Variants in DIAPH3 observed in about 807,000 individuals in gnomAD.
DIAPH3 encodes diaphanous related formin 3.
DIAPH3 carries 117 observed loss-of-function variants against 144.3 expected under a neutral mutation model. The ratio of observed to expected loss-of-function variants is 0.81; its 90% CI spans 0.70 to 0.95. The LOEUF (loss-of-function observed/expected upper bound fraction) is 0.95, where lower values mean the gene tolerates loss of function less well. DIAPH3 is among the 40% of genes least tolerant of loss of function. The pLI, the probability that DIAPH3 is intolerant of heterozygous loss-of-function variation, is 0.00. For synonymous variants in DIAPH3, 519 were observed against 488.9 expected (o/e 1.06, Z -0.81); for missense variants, 1,421 against 1,412.7 (o/e 1.01, Z -0.09).
At chr13:59,720,909 T>C (rs970068771) in intron 27 of DIAPH3, among the ~76,000 whole-genome samples, 3 of 152,178 alleles carry the variant, frequency 2.0e-5, no homozygotes, top group African/African-American at 4.8e-5. Context: ...AAGTGAAAGT[T>C]TAAAAGTATA....
At chr13:59,875,801 G>T (rs1038079025) in intron 21 of DIAPH3, among the ~76,000 whole-genome samples, 1 of 152,064 alleles carries the variant, frequency 6.6e-6, no homozygotes, top group Non-Finnish European at 1.5e-5. Context: ...TATGTCACAT[G>T]AAATCTTTGG....
At chr13:59,928,254 CTT>C (rs548275267) in intron 17 of DIAPH3, among the ~76,000 whole-genome samples, 4 of 151,940 alleles carry the variant, frequency 2.6e-5, no homozygotes, top group Non-Finnish European at 4.4e-5. Flanking sequence ...ATATCTATCT[CTT>C]TGTTGAATTT....
At chr13:60,004,671 GAAAT>G (rs1469913189) in intron 9 of DIAPH3, among the ~76,000 whole-genome samples, 2 of 152,002 alleles carry the variant, frequency 1.3e-5, no homozygotes, top group African/African-American at 4.8e-5. Flanking sequence ...AAATGAGAAA[GAAAT>G]AAATTTGAAT....
intron 4 of DIAPH3, among the ~76,000 whole-genome samples, chr13:60,086,564 G>T (rs1210647960): frequency 6.7e-6 from 1 of 150,348 alleles, no homozygotes; most frequent in Non-Finnish European, 1.5e-5. Context: ...TGTGTTATAG[G>T]GGCATTTTTA....
At position 60,117,357 on chromosome 13, in the gene DIAPH3, A is replaced by G. The variant is rs371158551; in HGVS notation, c.214-5171T>C. On this transcript the variant is annotated intron_variant, in intron 2 of 27. Coordinates refer to ENST00000400324, the MANE Select transcript of DIAPH3 (RefSeq NM_001042517.2). The stretch of plus-strand genomic sequence containing the variant: ...ATACAAAAGGATCAATCAGTATTTC[A>G]TATTTTCAATATAATGCTTTTATTT... Among the ~76,000 whole-genome samples, 9 of 152,222 alleles carry G rather than the reference A, an allele frequency of 5.9e-5. No homozygotes were observed. In the East Asian group the frequency reaches 1.7e-3, roughly 29 times the overall value.
rs143214663 is a variant in DIAPH3, at chr13:60,051,273, C to T, written c.496-8453G>A. On this transcript the variant is annotated intron_variant, in intron 4 of 27. Transcript: ENST00000400324. ...AATGTTTGCATGCTGATGAGAATGACCAAGAAAAGGAAACAAAACTGATGA... is the reference window on the plus strand; with the variant it reads ...AATGTTTGCATGCTGATGAGAATGATCAAGAAAAGGAAACAAAACTGATGA... Among the ~76,000 whole-genome samples, 595 of 151,776 alleles carry T rather than the reference C, an allele frequency of 3.9e-3. 5 individuals carry two copies. Among genetic ancestry groups the T allele is most frequent in the African/African-American group, 0.014 (579 of 41,378 alleles).
At chr13:60,026,773 T>C (rs1002482251) in intron 5 of DIAPH3, among the ~76,000 whole-genome samples, 2 of 152,208 alleles carry the variant, frequency 1.3e-5, no homozygotes, top group African/African-American at 2.4e-5. Context: ...TTTAAGTAGA[T>C]AATATTATAC....
In DIAPH3 at chr13:59,711,093, T is replaced by C. The variant is rs2034710574; in HGVS notation, c.3320-44247A>G. Among the ~76,000 whole-genome samples, 2 of 152,246 alleles carry C rather than the reference T, an allele frequency of 1.3e-5. 1 individual carries two copies. Among genetic ancestry groups the C allele is most frequent in the East Asian group, 3.9e-4 (2 of 5,176 alleles). ...CCACCCTTAAATTGACTTTATGAAA[T>C]AGTTAGATAATTGTTGTGTACTTTT... On this transcript the variant is annotated intron_variant, in intron 27 of 27. Coordinates refer to ENST00000400324, the MANE Select transcript of DIAPH3 (RefSeq NM_001042517.2).
At chr13:60,162,813 A>T (rs868385124) in intron 1 of DIAPH3, among the ~76,000 whole-genome samples, 260 of 124,884 alleles carry the variant, frequency 2.1e-3, no homozygotes, top group East Asian at 5.7e-3. Flanking sequence ...TCTCTCTCAC[A>T]CACACACACA....
intron 2 of DIAPH3, among the ~76,000 whole-genome samples, chr13:60,130,147 C>G (rs1398896513): frequency 2.0e-5 from 3 of 152,204 alleles, no homozygotes; most frequent in Non-Finnish European, 4.4e-5. Context: ...CAAGAATCTT[C>G]TGATTCCAAA....
intron 24 of DIAPH3, among the ~76,000 whole-genome samples, chr13:59,828,894 C>A (rs1386588480): frequency 6.6e-6 from 1 of 151,720 alleles, no homozygotes. Flanking sequence ...AATTAATTCC[C>A]AGTTGAGAAT....
At chr13:59,935,209 C>T (rs2048207090) in intron 17 of DIAPH3, among the ~76,000 whole-genome samples, 1 of 152,126 alleles carries the variant, frequency 6.6e-6, no homozygotes, top group Admixed American at 6.6e-5. Context: ...CTGGGCAGAA[C>T]CAACTTTAGG....
At chr13:60,047,784 CA>C (rs1242982712) in intron 4 of DIAPH3, among the ~76,000 whole-genome samples, 1 of 152,120 alleles carries the variant, frequency 6.6e-6, no homozygotes, top group Non-Finnish European at 1.5e-5. Flanking sequence ...TCATTAAATT[CA>C]AAAGTCTCTT....
At chr13:60,001,395 AT>A (rs1210481395) in intron 9 of DIAPH3, among the ~76,000 whole-genome samples, 1 of 152,206 alleles carries the variant, frequency 6.6e-6, no homozygotes, top group Non-Finnish European at 1.5e-5. Context: ...TAGCTCAGTC[AT>A]TCTGTGGAGT....
chr13:59,793,503 C>A (rs1287535236), intron 25 of DIAPH3, among the ~76,000 whole-genome samples: 1 of 152,144 alleles, frequency 6.6e-6, no homozygotes, highest in African/African-American at 2.4e-5. Context: ...TTACATGATT[C>A]TTTAGCAGTA....
chr13:60,111,895 G>A lies in DIAPH3; in HGVS notation c.390+115C>T. ...TTGTGGCTGAAGTGCTATCTTAAGT[G>A]ACATCAGAAATTAGCCTATGGAGTA... On this transcript the variant is annotated intron_variant, in intron 3 of 27. Transcript: ENST00000400324. 1.5e-5 allele frequency: 15 copies of A among 986,618 alleles called. No individual in the cohort carries two copies. In the South Asian group the frequency reaches 2.0e-4, roughly 13 times the overall value. 61.1% of individuals were successfully genotyped at this position (986,618 alleles called of 1,614,324 possible).
chr13:59,926,460 C>T (rs1304841507), intron 17 of DIAPH3, among the ~76,000 whole-genome samples: 1 of 152,108 alleles, frequency 6.6e-6, no homozygotes, highest in East Asian at 1.9e-4. Flanking sequence ...ACAAACTTCC[C>T]TCCTAGTACT....
intron 27 of DIAPH3, among the ~76,000 whole-genome samples, chr13:59,717,624 T>G (rs2035126488): frequency 6.6e-6 from 1 of 152,224 alleles, no homozygotes. Context: ...TAAAGAACTT[T>G]TAAAAGCTCC....
At chr13:60,080,504 T>G (rs1316377575) in intron 4 of DIAPH3, among the ~76,000 whole-genome samples, 1 of 151,876 alleles carries the variant, frequency 6.6e-6, no homozygotes, top group African/African-American at 2.4e-5. Flanking sequence ...ATTAGAAAAC[T>G]TTTACATTTC....
Sources: allele counts gnomAD v4.1 joint callset (sites outside exome capture counted in the v4.1 genomes callset), GRCh38; gene constraint gnomAD v4.1.1; transcripts MANE v1.5; gene names NCBI Gene and HGNC (gene_info 2026-07-23, HGNC 2026-07-21).